The following GLRA3 variants were observed in gnomAD, a reference collection of about 807,000 sequenced individuals.
GLRA3 encodes glycine receptor subunit alpha-3.
In GLRA3, 44 loss-of-function variants were observed where a neutral mutation model predicts 60.4. The observed-to-expected ratio is 0.73, with a 90% CI of 0.57 to 0.94. GLRA3 has a LOEUF of 0.94. GLRA3 is among the 40% of genes least tolerant of loss of function. The probability of loss-of-function intolerance (pLI) is 0.00; values close to 1 mark genes in which losing one functional copy is unlikely to be tolerated. For synonymous variants in GLRA3, 223 were observed against 192.9 expected (o/e 1.16, Z -1.29); for missense variants, 508 against 564.6 (o/e 0.90, Z 1.02).
chr4:174,718,987 C>T (rs1395994216), intron 4 of GLRA3, among the ~76,000 whole-genome samples: 4 of 73,690 alleles, frequency 5.4e-5, no homozygotes, highest in Non-Finnish European at 1.0e-4. Context: ...TTTTTTGAGA[C>T]GGAGTCTCGC....
At chr4:174,715,688 T>C in intron 4 of GLRA3, 118 bp from the exon 5 acceptor site, 1 of 547,996 alleles carries the variant, frequency 1.8e-6, no homozygotes, top group East Asian at 2.9e-5. Context: ...TAAAAATTTC[T>C]CCAGCTTATG....
intron 3 of GLRA3, among the ~76,000 whole-genome samples, chr4:174,738,244 T>A (rs1000499087): frequency 1.3e-5 from 2 of 152,220 alleles, no homozygotes; most frequent in African/African-American, 4.8e-5. Flanking sequence ...ACAAATAAAA[T>A]TTTAAAGTCC....
intron 2 of GLRA3, among the ~76,000 whole-genome samples, chr4:174,776,681 G>A (rs1365315865): frequency 3.3e-5 from 5 of 152,104 alleles, no homozygotes; most frequent in South Asian, 2.1e-4. Context: ...ACTGTGCATC[G>A]TTAGTGTTGA....
intron 7 of GLRA3, among the ~76,000 whole-genome samples, chr4:174,665,388 C>T (rs141462128): frequency 2.0e-5 from 3 of 152,054 alleles, no homozygotes; most frequent in African/African-American, 7.2e-5. Context: ...CTCAGCATCC[C>T]ACTTCCACTT....
chr4:174,695,490 CATG>C (rs1561061199), intron 5 of GLRA3, among the ~76,000 whole-genome samples: 1 of 152,130 alleles, frequency 6.6e-6, no homozygotes, highest in East Asian at 1.9e-4. Flanking sequence ...ACAAAAATCA[CATG>C]ATTATCTCAA....
At chr4:174,789,736 C>G (rs538528748) in intron 1 of GLRA3, among the ~76,000 whole-genome samples, 1 of 152,206 alleles carries the variant, frequency 6.6e-6, no homozygotes, top group Non-Finnish European at 1.5e-5. Context: ...CCAACAGAAG[C>G]TGGGGCCTGC....
intron 4 of GLRA3, among the ~76,000 whole-genome samples, chr4:174,718,052 A>C (rs1436855399): frequency 1.3e-5 from 2 of 152,232 alleles, no homozygotes; most frequent in Non-Finnish European, 2.9e-5. Flanking sequence ...AAAAAATAGC[A>C]CTTGAAAGGA....
intron 5 of GLRA3, among the ~76,000 whole-genome samples, chr4:174,708,834 TA>T (rs61530642): frequency 0.041 from 5,761 of 142,116 alleles, 349 homozygotes; most frequent in African/African-American, 0.14. Context: ...ACTAGCAAAT[TA>T]AAAAAAAAAA....
rs951243742 is a variant in GLRA3, at chr4:174,642,921, T to G, written c.*865A>C. 6.5e-6 allele frequency: 5 copies of G among 771,796 alleles called. No homozygotes were observed. The highest frequency in any genetic ancestry group is 7.9e-6 in the Non-Finnish European group (5 of 635,668). The allele number at this position is 771,796 out of a possible 1,614,324, so 47.8% of individuals were successfully genotyped here. ...ACTAAAATATAAAAGTCTTACTGAA[T>G]TTTGTCCTGTTATATCAAATTATTA... is the stretch of plus-strand genomic sequence containing the variant. On this transcript the variant is annotated 3_prime_UTR_variant, in exon 10 of 10. Coordinates refer to ENST00000274093, the MANE Select transcript of GLRA3 (RefSeq NM_006529.4).
intron 3 of GLRA3, among the ~76,000 whole-genome samples, chr4:174,759,757 C>A (rs908611769): frequency 6.6e-6 from 1 of 152,056 alleles, no homozygotes; most frequent in African/African-American, 2.4e-5. Context: ...GAAACCGACC[C>A]ATTAAATTTC....
chr4:174,783,399 A>G (rs1443347343), intron 2 of GLRA3, among the ~76,000 whole-genome samples: 1 of 131,948 alleles, frequency 7.6e-6, no homozygotes, highest in Non-Finnish European at 1.7e-5. Flanking sequence ...CATTCAGGAC[A>G]TAGGCATGGG....
chr4:174,723,199 T>A (rs1194965704), intron 4 of GLRA3, among the ~76,000 whole-genome samples: 4 of 152,098 alleles, frequency 2.6e-5, no homozygotes, highest in Non-Finnish European at 5.9e-5. Flanking sequence ...GTGTTCAATA[T>A]AATAAATTTA....
chr4:174,737,769 C>T (rs1408127847), intron 3 of GLRA3, among the ~76,000 whole-genome samples: 2 of 152,210 alleles, frequency 1.3e-5, no homozygotes, highest in Non-Finnish European at 1.5e-5. Flanking sequence ...GCCTCGATCT[C>T]CCAAAGTGCT....
At chr4:174,645,328 C>T (rs1341574899) in intron 9 of GLRA3, among the ~76,000 whole-genome samples, 1 of 150,284 alleles carries the variant, frequency 6.7e-6, no homozygotes, top group Non-Finnish European at 1.5e-5. Flanking sequence ...AGGAGAATCG[C>T]TTGATCCCTG....
chr4:174,751,176 C>T (rs562868202), intron 3 of GLRA3, among the ~76,000 whole-genome samples: 4 of 151,926 alleles, frequency 2.6e-5, no homozygotes, highest in East Asian at 3.9e-4. Context: ...TAAGTCACAC[C>T]TTTATAGAAG....
chr4:174,731,623 T>C (rs1213652184), intron 3 of GLRA3, among the ~76,000 whole-genome samples: 1 of 152,132 alleles, frequency 6.6e-6, no homozygotes, highest in Non-Finnish European at 1.5e-5. Flanking sequence ...AAAAGCACAA[T>C]AATATTGATC....
intron 5 of GLRA3, among the ~76,000 whole-genome samples, chr4:174,714,420 G>A (rs555089391): frequency 2.6e-5 from 4 of 152,038 alleles, no homozygotes; most frequent in Admixed American, 6.6e-5. Context: ...TCTCATTTAC[G>A]TTAGTACTTT....
At chr4:174,731,741 T>C (rs551451356) in intron 3 of GLRA3, among the ~76,000 whole-genome samples, 69 of 152,314 alleles carry the variant, frequency 4.5e-4, no homozygotes, top group Admixed American at 1.8e-3. Flanking sequence ...AGAAGGTATT[T>C]GCCACATATA....
intron 3 of GLRA3, among the ~76,000 whole-genome samples, chr4:174,740,271 T>TA (rs1736965909): frequency 6.6e-6 from 1 of 152,194 alleles, no homozygotes; most frequent in African/African-American, 2.4e-5. Flanking sequence ...CTATGGGTTG[T>TA]AAGAATCCTC....
Sources: allele counts gnomAD v4.1 joint callset (sites outside exome capture counted in the v4.1 genomes callset), GRCh38; gene constraint gnomAD v4.1.1; transcripts MANE v1.5; gene names NCBI Gene and HGNC (gene_info 2026-07-23, HGNC 2026-07-21).